GTF3C1: variants seen among roughly 807,000 people sequenced by gnomAD.
GTF3C1 encodes the protein general transcription factor IIIC subunit 1, also known as general transcription factor 3C polypeptide 1.
GTF3C1 carries 57 observed loss-of-function variants against 226.7 expected under a neutral mutation model. The ratio of observed to expected loss-of-function variants is 0.25; its 90% CI spans 0.20 to 0.31. GTF3C1 has a LOEUF of 0.31. Ranked by LOEUF, GTF3C1 falls within the 10% of genes least tolerant of loss-of-function variation. The probability of loss-of-function intolerance (pLI) is 1.00; values close to 1 mark genes in which losing one functional copy is unlikely to be tolerated. For synonymous variants in GTF3C1, 1,090 were observed against 1,084.8 expected, an observed-to-expected ratio of 1.00 and a Z score of -0.09; for missense variants, 2,217 against 2,776.1, an observed-to-expected ratio of 0.80 and a Z score of 4.53.
At chr16:27,523,527 A>C (rs1442350174) in intron 6 of GTF3C1, among the ~76,000 whole-genome samples, 2 of 152,138 alleles carry the variant, frequency 1.3e-5, no homozygotes, top group Non-Finnish European at 2.9e-5. Context: ...ACAAAGCTCA[A>C]GGCAAAAAAA....
In GTF3C1 at chr16:27,462,395, T is replaced by C. The variant is rs1041775412; in HGVS notation, c.6016A>G (p.Met2006Val). 1.2e-6 allele frequency: 2 copies of C among 1,609,836 alleles called. No individual in the cohort carries two copies. The highest frequency in any genetic ancestry group is 1.7e-6 in the Non-Finnish European group (2 of 1,178,060). The change falls in exon 36 of 37, where the codon ATG (methionine) becomes GTG (valine). Residue 2006 changes from methionine (M) to valine (V), a missense_variant. By Grantham distance (21) the Met-to-Val change is conservative. Around this residue, in one of 12 missense-constraint regions of GTF3C1, gnomAD observed 153 missense variants for 199.8 expected, o/e 0.77. Coordinates refer to ENST00000356183, the MANE Select transcript of GTF3C1 (RefSeq NM_001520.4). The surrounding 1 kb of genome is among the most constrained non-coding windows in gnomAD (Gnocchi z 4.5). The stretch of plus-strand genomic sequence containing the variant: ...GGCCTGGTCATGATGTGGTACAGCA[T>C]GGCCTCCATCATACCCTTGCATACA... The part of the protein sequence containing the change: ...LPVCKGMMEA[M>V]LYHIMTRPGI...
chr16:27,482,036 T>C (rs1356038669), intron 26 of GTF3C1, among the ~76,000 whole-genome samples: 1 of 152,212 alleles, frequency 6.6e-6, no homozygotes, highest in Non-Finnish European at 1.5e-5. Context: ...TCCCCTGTGC[T>C]ATGTCCCACT....
At position 27,464,543 on chromosome 16, in the gene GTF3C1, G is replaced by T; in HGVS notation, c.5649C>A (p.Ala1883=). ...TTGAGTCCTGGAGCGCTGGCCTCTTGGCAGGGGTCATCTGGGTGCCCTCGG... is the reference window on the plus strand; with the variant it reads ...TTGAGTCCTGGAGCGCTGGCCTCTTTGCAGGGGTCATCTGGGTGCCCTCGG... ...TDAEGTQMTP[A]KRPALQDSNL... Residue 1883 remains alanine, a synonymous_variant, in exon 34 of 37, where the codon GCC becomes GCA. Transcript: ENST00000356183. 1 of 1,504,874 alleles carries T rather than the reference G, an allele frequency of 6.6e-7. No individual in the cohort carries two copies. Among genetic ancestry groups the T allele is most frequent in the Non-Finnish European group, 8.9e-7 (1 of 1,126,904 alleles). 93.2% of individuals were successfully genotyped at this position (1,504,874 alleles called of 1,614,324 possible).
intron 6 of GTF3C1, among the ~76,000 whole-genome samples, chr16:27,522,074 G>A (rs2088758312): frequency 6.6e-6 from 1 of 152,040 alleles, no homozygotes; most frequent in Non-Finnish European, 1.5e-5. Context: ...ACCTTGCTAG[G>A]TTTCTTGGAT....
At chr16:27,482,311 C>A (rs2088064336) in intron 26 of GTF3C1, among the ~76,000 whole-genome samples, 1 of 152,252 alleles carries the variant, frequency 6.6e-6, no homozygotes, top group African/African-American at 2.4e-5. Context: ...TGCACCAGAC[C>A]AGGACTGCCT....
intron 29 of GTF3C1, among the ~76,000 whole-genome samples, chr16:27,475,670 T>G (rs1305231381): frequency 6.6e-6 from 1 of 152,114 alleles, no homozygotes; most frequent in Non-Finnish European, 1.5e-5. Context: ...CACCGGGGGT[T>G]CGATGTGATT....
chr16:27,493,407 C>T (rs1465794014), intron 16 of GTF3C1, 111 bp from the exon 17 acceptor site: 2 of 667,874 alleles, frequency 3.0e-6, no homozygotes, highest in African/African-American at 3.6e-5. Context: ...TGAACCTGCC[C>T]ACTGGGCTCT....
At chr16:27,509,638 G>C (rs963199852) in intron 7 of GTF3C1, among the ~76,000 whole-genome samples, 8 of 151,388 alleles carry the variant, frequency 5.3e-5, no homozygotes. Context: ...GGCGCCTGTA[G>C]TCCCAGCTAC....
At chr16:27,516,210 G>C (rs1436058994) in intron 6 of GTF3C1, among the ~76,000 whole-genome samples, 1 of 152,242 alleles carries the variant, frequency 6.6e-6, no homozygotes, top group Non-Finnish European at 1.5e-5. Context: ...TCGTGCGAAG[G>C]CGCCCCCCTG....
chr16:27,495,547 T>A, intron 14 of GTF3C1, 55 bp from the exon 15 acceptor site: 1 of 1,501,526 alleles, frequency 6.7e-7, no homozygotes, highest in Non-Finnish European at 9.1e-7. Context: ...TGAATTCAGT[T>A]TTAATTCATT....
At chr16:27,488,954 A>C in intron 21 of GTF3C1, 89 bp downstream of exon 21, 3 of 1,214,416 alleles carry the variant, frequency 2.5e-6, no homozygotes, top group Non-Finnish European at 3.6e-6. Flanking sequence ...AACGGAAGCC[A>C]GTATTTGTGT....
chr16:27,491,012 T>C (rs2088225133), intron 19 of GTF3C1, among the ~76,000 whole-genome samples: 2 of 152,176 alleles, frequency 1.3e-5, no homozygotes, highest in Admixed American at 1.3e-4. Flanking sequence ...TATCTAGATA[T>C]AAAATGCAGG....
chr16:27,537,578 T>A lies in GTF3C1; in HGVS notation c.752+206A>T, dbSNP rs536914061. On this transcript the variant is annotated intron_variant, in intron 4 of 36. Coordinates refer to ENST00000356183, the MANE Select transcript of GTF3C1 (RefSeq NM_001520.4). ...GTGTGCACCACCACGCCCAGCTAAT[T>A]TTTTATTTTTATAAAGATGCCATCT... is the stretch of plus-strand genomic sequence containing the variant. 5.3e-5 allele frequency among the ~76,000 whole-genome samples: 8 copies of A among 152,092 alleles called. No homozygotes were observed. The South Asian group carries it at 1.7e-3, about 32-fold the overall frequency.
chr16:27,496,886 C>G (rs1596634220), intron 14 of GTF3C1, among the ~76,000 whole-genome samples: 1 of 152,218 alleles, frequency 6.6e-6, no homozygotes, highest in African/African-American at 2.4e-5. Context: ...AGTGCAAATG[C>G]TGTCTAGTTG....
Position 27,488,387 on chromosome 16 carries a change from T to A in GTF3C1, c.3540A>T (p.Glu1180Asp). 1.2e-6 allele frequency: 2 copies of A among 1,613,486 alleles called. No homozygotes were observed. The highest frequency in any genetic ancestry group is 1.7e-6 in the Non-Finnish European group (2 of 1,179,386). The stretch of plus-strand genomic sequence containing the variant: ...CACAGAGCTCGGAGCCTACTCTTGC[T>A]TCCCCCCAAATATTCAACCTGCTGT... Reference protein sequence around the residue: ...RGNSRLNIWGEARVGSELCAG... With the variant: ...RGNSRLNIWGDARVGSELCAG... The change falls in exon 23 of 37, where the codon GAA becomes GAT. Residue 1180 changes from glutamate (E) to aspartate (D), a missense_variant. This residue lies in a region of GTF3C1 where 546 missense variants were observed against 663.0 expected (regional missense o/e 0.82). Coordinates refer to ENST00000356183, the MANE Select transcript of GTF3C1 (RefSeq NM_001520.4).
rs913060647 is a variant in GTF3C1, at chr16:27,471,068, C to T, written c.4527-673G>A. Among the ~76,000 whole-genome samples, 19 of 152,250 alleles carry T rather than the reference C, an allele frequency of 1.2e-4. No homozygotes were observed. The highest frequency in any genetic ancestry group is 7.2e-4 in the Admixed American group (11 of 15,296). On this transcript the variant is annotated intron_variant, in intron 30 of 36. Transcript: ENST00000356183. The surrounding 1 kb of genome is among the most constrained non-coding windows in gnomAD (Gnocchi z 5.0). ...CTGGGGAGGAGGAAGTGTCTGCCGT[C>T]GTGGGGAAGGGATGGGATCAAAGAA...
intron 32 of GTF3C1, 31 bp from the exon 33 acceptor site, chr16:27,465,571 G>A (rs1567383086): frequency 1.1e-5 from 17 of 1,557,378 alleles, no homozygotes; most frequent in Admixed American, 5.4e-5. Flanking sequence ...ATCAGAGGCA[G>A]CCCGACAGAG....
intron 6 of GTF3C1, among the ~76,000 whole-genome samples, chr16:27,527,592 A>T (rs73533036): frequency 0.03 from 4,590 of 152,302 alleles, 221 homozygotes; most frequent in African/African-American, 0.1. Flanking sequence ...TAAGTTACTC[A>T]GCATCTCTTC....
rs1308331546 is a variant in GTF3C1, at chr16:27,489,055, G to T, written c.3417C>A (p.Asn1139Lys). Residue 1139 changes from asparagine to lysine, a missense_variant, in exon 21 of 37, where the codon AAC (asparagine) becomes AAA (lysine). Physicochemically the swap from Asn to Lys is moderately conservative, Grantham distance 94. Transcript: ENST00000356183. ...GACGCACACCCACCTTTTTGGCCTG[G>T]TTGATGATGTAGCTGGTCCAGATCC... ...RNWIWTSYII[N>K]QAKKENTAAE... 1.2e-6 allele frequency: 2 copies of T among 1,614,046 alleles called. No individual in the cohort carries two copies. Among genetic ancestry groups the T allele is most frequent in the Non-Finnish European group, 1.7e-6 (2 of 1,179,970 alleles).
Sources: allele counts gnomAD v4.1 joint callset (sites outside exome capture counted in the v4.1 genomes callset), GRCh38; gene constraint gnomAD v4.1.1; regional missense constraint gnomAD v4.1.1; non-coding constraint Gnocchi (gnomAD v3.1); transcripts MANE v1.5; gene names NCBI Gene and HGNC (gene_info 2026-07-23, HGNC 2026-07-21).